Variants in ZNF16 observed in about 807,000 individuals in gnomAD.
The protein encoded by ZNF16 is zinc finger protein KOX9.
ZNF16 carries 7 observed loss-of-function variants against 9.0 expected under a neutral mutation model. The ratio of observed to expected loss-of-function variants is 0.78; its 90% CI spans 0.44 to 1.47. The LOEUF (loss-of-function observed/expected upper bound fraction) is 1.47, where lower values mean the gene tolerates loss of function less well. Among genes scored for constraint, ZNF16 ranks in the 40% most tolerant of loss-of-function variants. ZNF16 has a pLI of 0.01. For missense variants in ZNF16, 830 were observed against 854.2 expected (o/e 0.97, Z 0.35); for synonymous variants, 312 against 301.5 (o/e 1.03, Z -0.36).
chr8:144,942,388 A>T (rs1833823633), intron 2 of ZNF16, among the ~76,000 whole-genome samples: 1 of 150,402 alleles, frequency 6.6e-6, no homozygotes, highest in Non-Finnish European at 1.5e-5. Context: ...CCTGGGTTCA[A>T]GCAATTCTCC....
At chr8:144,946,249 G>T in intron 1 of ZNF16, 34 bp from the exon 2 acceptor site, 1 of 1,472,882 alleles carries the variant, frequency 6.8e-7, no homozygotes, top group South Asian at 1.5e-5. Context: ...TGAGTCTACA[G>T]ACAGGCTAGC....
chr8:144,944,790 A>C (rs1357798237), intron 2 of ZNF16: 1 of 152,178 alleles, frequency 6.6e-6, no homozygotes, highest in Admixed American at 6.5e-5. Context: ...TCATTTAGTG[A>C]CTTTTCCAAA....
chr8:144,950,213 CCCTATT>C (rs200786875), intron 1 of ZNF16, among the ~76,000 whole-genome samples: 2,093 of 152,282 alleles, frequency 0.014, 20 homozygotes, highest in Non-Finnish European at 0.021. Flanking sequence ...CTGACCTTCT[CCCTATT>C]ATCACCCTGC....
intron 2 of ZNF16, among the ~76,000 whole-genome samples, chr8:144,940,077 C>A (rs943726357): frequency 6.6e-6 from 1 of 151,746 alleles, no homozygotes. Context: ...TGACTTATAT[C>A]TTTCTTTCCT....
In ZNF16 at chr8:144,930,676, A is replaced by G. The variant is rs1037881758; in HGVS notation, c.*62T>C. 2.0e-5 allele frequency: 30 copies of G among 1,498,712 alleles called. No individual in the cohort carries two copies. The highest frequency in any genetic ancestry group is 2.6e-5 in the Non-Finnish European group (29 of 1,122,740). The allele number at this position is 1,498,712 out of a possible 1,614,324, so 92.8% of individuals were successfully genotyped here. A position where few individuals can be genotyped will look rare whatever the true frequency, so the allele number is the denominator to read the frequency against. On this transcript the variant is annotated 3_prime_UTR_variant, in exon 3 of 3. Coordinates refer to ENST00000394909, the MANE Select transcript of ZNF16 (RefSeq NM_006958.3). The stretch of plus-strand genomic sequence containing the variant: ...TCTGGGAAGTGGCAGAGGCTGAGAC[A>G]ATGGCCAAAGAGGAGTTGGAGAGGA...
At position 144,931,669 on chromosome 8, in the gene ZNF16, C is replaced by T; in HGVS notation, c.1118G>A (p.Gly373Glu). The T allele has an allele frequency of 6.2e-7, 1 of 1,614,162 alleles. No individual in the cohort carries two copies. The highest frequency in any genetic ancestry group is 8.5e-7 in the Non-Finnish European group (1 of 1,180,020). The change falls in exon 3 of 3, where the codon GGA becomes GAA. Residue 373 changes from glycine to glutamate, a missense_variant. Gly to Glu is a moderately conservative substitution (Grantham distance 98). Coordinates refer to ENST00000394909, the MANE Select transcript of ZNF16 (RefSeq NM_006958.3). ...NLIKHHRTHTGEKPFECGECG... is the reference protein window; with the variant it reads ...NLIKHHRTHTEEKPFECGECG... ...CTCGCCACACTCAAAAGGCTTCTCT[C>T]CTGTGTGAGTCCTGTGGTGTTTGAT...
At chr8:144,937,145 T>C (rs1357663951) in intron 2 of ZNF16, among the ~76,000 whole-genome samples, 213 of 120,332 alleles carry the variant, frequency 1.8e-3, no homozygotes, top group African/African-American at 7.9e-3. Flanking sequence ...TTCTCTCTCT[T>C]TTTTTTTTTT....
At position 144,932,664 on chromosome 8, in the gene ZNF16, C is replaced by T. The variant is rs1474714803; in HGVS notation, c.197-74G>A. ...GCAGGAACATAGACAGTCACAGTTGCACCCACTAACTGTGGAGGAGGCAAG... is the reference window on the plus strand; with the variant it reads ...GCAGGAACATAGACAGTCACAGTTGTACCCACTAACTGTGGAGGAGGCAAG... On this transcript the variant is annotated intron_variant, in intron 2 of 2. Transcript: ENST00000394909. The surrounding 1 kb of genome is among the most constrained non-coding windows in gnomAD (Gnocchi z 5.0). The T allele has an allele frequency of 3.4e-6, 5 of 1,488,428 alleles. No individual in the cohort carries two copies. Among genetic ancestry groups the T allele is most frequent in the African/African-American group, 1.4e-5 (1 of 72,036 alleles). 92.2% of individuals were successfully genotyped at this position (1,488,428 alleles called of 1,614,324 possible).
In ZNF16 at chr8:144,930,677, A is replaced by C; in HGVS notation, c.*61T>G. On this transcript the variant is annotated 3_prime_UTR_variant, in exon 3 of 3. Coordinates refer to ENST00000394909, the MANE Select transcript of ZNF16 (RefSeq NM_006958.3). ...CTGGGAAGTGGCAGAGGCTGAGACAATGGCCAAAGAGGAGTTGGAGAGGAA... is the reference window on the plus strand; with the variant it reads ...CTGGGAAGTGGCAGAGGCTGAGACACTGGCCAAAGAGGAGTTGGAGAGGAA... 47 of 1,467,878 alleles carry C rather than the reference A, an allele frequency of 3.2e-5. No homozygotes were observed. Among genetic ancestry groups the C allele is most frequent in the South Asian group, 4.1e-5 (3 of 72,370 alleles). 90.9% of individuals were successfully genotyped at this position (1,467,878 alleles called of 1,614,324 possible). A position where few individuals can be genotyped will look rare whatever the true frequency, so the allele number is the denominator to read the frequency against.
At position 144,930,628 on chromosome 8, in the gene ZNF16, G is replaced by C; in HGVS notation, c.*110C>G. The C allele has an allele frequency of 7.9e-7, 1 of 1,267,142 alleles. No individual in the cohort carries two copies. Among genetic ancestry groups the C allele is most frequent in the South Asian group, 1.6e-5 (1 of 63,664 alleles). The allele number at this position is 1,267,142 out of a possible 1,614,324, so 78.5% of individuals were successfully genotyped here. On this transcript the variant is annotated 3_prime_UTR_variant, in exon 3 of 3. Coordinates refer to ENST00000394909, the MANE Select transcript of ZNF16 (RefSeq NM_006958.3). ...GCTATGTGGCCACTGGATGTAGGCA[G>C]TGAGCTGAGTCCAGGCTTTCGGTCT...
chr8:144,930,824 T>A lies in ZNF16; in HGVS notation c.1963A>T (p.Lys655Ter). ...CCACAAGCAGCACAGTCATAGGGCT[T>A]CACCCCAGTGTGAATCCTCTGGTGC... ...IQHQRIHTGV[K>*]PYDCAACGKA... The change falls in exon 3 of 3, where the codon AAG (lysine) becomes TAG (stop). Residue 655 changes from lysine to a stop codon, truncating the protein, a stop_gained. Coordinates refer to ENST00000394909, the MANE Select transcript of ZNF16 (RefSeq NM_006958.3). LOFTEE classifies it high-confidence loss of function. 1 of 1,585,242 alleles carries A rather than the reference T, an allele frequency of 6.3e-7. No individual in the cohort carries two copies. The highest frequency in any genetic ancestry group is 8.6e-7 in the Non-Finnish European group (1 of 1,166,386).
At chr8:144,943,069 A>G (rs988735728) in intron 2 of ZNF16, among the ~76,000 whole-genome samples, 5 of 152,088 alleles carry the variant, frequency 3.3e-5, no homozygotes, top group Admixed American at 1.3e-4. Flanking sequence ...ATCTACCTGG[A>G]TATGTTTTAA....
chr8:144,939,222 G>A (rs1833747664), intron 2 of ZNF16, among the ~76,000 whole-genome samples: 1 of 152,140 alleles, frequency 6.6e-6, no homozygotes, highest in East Asian at 1.9e-4. Flanking sequence ...TGGAATCAGT[G>A]TAAAGTTGAC....
At chr8:144,942,979 C>A (rs1019106736) in intron 2 of ZNF16, among the ~76,000 whole-genome samples, 5 of 152,206 alleles carry the variant, frequency 3.3e-5, no homozygotes, top group African/African-American at 1.2e-4. Context: ...GTCTAGTGTT[C>A]TTTCATTTCA....
intron 1 of ZNF16, 58 bp from the exon 2 acceptor site, chr8:144,946,273 C>A (rs1460890014): frequency 1.3e-5 from 18 of 1,399,036 alleles, no homozygotes; most frequent in Non-Finnish European, 1.7e-5. Flanking sequence ...AGGGATTCAT[C>A]CTCCCATCAG....
chr8:144,945,985 C>A, intron 2 of ZNF16, 26 bp downstream of exon 2: 1 of 1,611,626 alleles, frequency 6.2e-7, no homozygotes. Context: ...AATAAGGGCA[C>A]CAGCGGAGAA....
At chr8:144,942,725 T>C (rs959585369) in intron 2 of ZNF16, among the ~76,000 whole-genome samples, 2 of 152,224 alleles carry the variant, frequency 1.3e-5, no homozygotes, top group Non-Finnish European at 2.9e-5. Flanking sequence ...CTTATGTTGT[T>C]GTCATCACAG....
chr8:144,934,360 C>T (rs928815386), intron 2 of ZNF16, among the ~76,000 whole-genome samples: 4 of 152,250 alleles, frequency 2.6e-5, no homozygotes, highest in African/African-American at 4.8e-5. Flanking sequence ...AGCTGCCCTA[C>T]GTGCCAGCAC....
At chr8:144,949,994 T>C (rs1302383032) in intron 1 of ZNF16, among the ~76,000 whole-genome samples, 1 of 152,236 alleles carries the variant, frequency 6.6e-6, no homozygotes, top group African/African-American at 2.4e-5. Context: ...AAAACCCGAT[T>C]GTACATTTGT....
Sources: allele counts gnomAD v4.1 joint callset (sites outside exome capture counted in the v4.1 genomes callset), GRCh38; gene constraint gnomAD v4.1.1; non-coding constraint Gnocchi (gnomAD v3.1); transcripts MANE v1.5; gene names NCBI Gene and HGNC (gene_info 2026-07-23, HGNC 2026-07-21).